The following MIGA1 variants were observed in gnomAD, a reference collection of about 807,000 sequenced individuals.
The protein encoded by MIGA1 is mitoguardin 1.
In MIGA1, 58 loss-of-function variants were observed where a neutral mutation model predicts 82.0. The observed-to-expected ratio is 0.71, with a 90% CI of 0.57 to 0.88. The LOEUF (loss-of-function observed/expected upper bound fraction) is 0.88, where lower values mean the gene tolerates loss of function less well. Among genes scored for constraint, MIGA1 ranks in the 40% least tolerant of loss-of-function variants. The probability of loss-of-function intolerance (pLI) is 0.00; values close to 1 mark genes in which losing one functional copy is unlikely to be tolerated. For missense variants in MIGA1, 751 were observed against 749.1 expected, an observed-to-expected ratio of 1.00 and a Z score of -0.03; for synonymous variants, 249 against 253.6, an observed-to-expected ratio of 0.98 and a Z score of 0.17.
At chr1:77,839,209 C>G (rs930415632) in intron 7 of MIGA1, among the ~76,000 whole-genome samples, 8 of 151,924 alleles carry the variant, frequency 5.3e-5, no homozygotes, top group Non-Finnish European at 1.2e-4. Flanking sequence ...GACCGTACAT[C>G]CTCGACCAAA....
In MIGA1 at chr1:77,815,234, A is replaced by G. The variant is rs1430481606; in HGVS notation, c.895+3A>G. Reference sequence around the variant, plus strand: ...TAATTCCCTTGCTGATGATATTGGTAAGATGGATATTTCATATGGCTTTTA... The same window carrying G: ...TAATTCCCTTGCTGATGATATTGGTGAGATGGATATTTCATATGGCTTTTA... On this transcript the variant is annotated splice_donor_region_variant and intron_variant, in intron 7 of 15. Coordinates refer to ENST00000370791, the MANE Select transcript of MIGA1 (RefSeq NM_198549.4). The G allele has an allele frequency of 3.1e-6, 5 of 1,589,222 alleles. No individual in the cohort carries two copies. In the African/African-American group the frequency reaches 6.8e-5, roughly 21 times the overall value.
chr1:77,848,130 A>C, intron 8 of MIGA1: 1 of 1,346,936 alleles, frequency 7.4e-7, no homozygotes, highest in Non-Finnish European at 1.1e-6. Context: ...GAACCATTAC[A>C]CTGACCGTGA....
At chr1:77,837,580 A>G (rs1684478436) in intron 7 of MIGA1, among the ~76,000 whole-genome samples, 1 of 152,200 alleles carries the variant, frequency 6.6e-6, no homozygotes, top group African/African-American at 2.4e-5. Flanking sequence ...AATATATGTA[A>G]AGCATGTAAC....
chr1:77,829,530 G>A (rs1043413790), intron 7 of MIGA1, among the ~76,000 whole-genome samples: 4 of 152,230 alleles, frequency 2.6e-5, no homozygotes, highest in Non-Finnish European at 2.9e-5. Context: ...GTGCCGCGGC[G>A]CGATCTCAGC....
intron 8 of MIGA1, among the ~76,000 whole-genome samples, chr1:77,845,848 G>A (rs1417855558): frequency 4.0e-5 from 6 of 151,882 alleles, no homozygotes; most frequent in South Asian, 2.1e-4. Context: ...TTCTGGTATC[G>A]GTTTTTCTAT....
chr1:77,869,597 C>T (rs1212611416), intron 14 of MIGA1, among the ~76,000 whole-genome samples: 33 of 143,348 alleles, frequency 2.3e-4, no homozygotes, highest in Non-Finnish European at 3.7e-4. Flanking sequence ...CCCTCCCGGA[C>T]GAGGCGGCTG....
At chr1:77,841,807 C>CTT (rs879895524) in intron 7 of MIGA1, among the ~76,000 whole-genome samples, 1 of 142,796 alleles carries the variant, frequency 7.0e-6, no homozygotes, top group South Asian at 2.2e-4. Context: ...TTTTTTCTTT[C>CTT]TTTTTTTTTT....
intron 2 of MIGA1, among the ~76,000 whole-genome samples, chr1:77,790,114 T>C (rs1055068046): frequency 2.0e-5 from 3 of 152,250 alleles, no homozygotes; most frequent in African/African-American, 7.2e-5. Context: ...ATGACTATAG[T>C]ACAATATCAC....
intron 2 of MIGA1, among the ~76,000 whole-genome samples, chr1:77,799,851 C>T: frequency 6.8e-6 from 1 of 146,548 alleles, no homozygotes. Context: ...ATTAGTTTTC[C>T]TTCCAAAAAA....
At chr1:77,866,682 T>C (rs1331043460) in intron 14 of MIGA1, among the ~76,000 whole-genome samples, 3 of 139,580 alleles carry the variant, frequency 2.1e-5, no homozygotes, top group Admixed American at 7.4e-5. Flanking sequence ...CTTAATGATA[T>C]TAATTTTTTT....
intron 7 of MIGA1, among the ~76,000 whole-genome samples, chr1:77,839,214 A>T (rs1255294706): frequency 6.6e-6 from 1 of 151,782 alleles, no homozygotes; most frequent in East Asian, 1.9e-4. Context: ...TACATCCTCG[A>T]CCAAAATAAT....
chr1:77,850,390 G>GA (rs1685002215), intron 8 of MIGA1, among the ~76,000 whole-genome samples: 1 of 152,182 alleles, frequency 6.6e-6, no homozygotes. Flanking sequence ...ACCCAATTTG[G>GA]AGGGTGGCTA....
intron 8 of MIGA1, among the ~76,000 whole-genome samples, chr1:77,851,166 G>A (rs185387505): frequency 9.5e-4 from 144 of 152,138 alleles, no homozygotes; most frequent in African/African-American, 2.9e-3. Context: ...CCACCGCGCC[G>A]GGCCTTGTTT....
chr1:77,853,923 G>A (rs1685150760), intron 8 of MIGA1: 2 of 247,998 alleles, frequency 8.1e-6, no homozygotes, highest in Non-Finnish European at 1.6e-5. Flanking sequence ...AGTTATTGGG[G>A]TACAGGTAGT....
chr1:77,797,152 A>G (rs1380080229), intron 2 of MIGA1, among the ~76,000 whole-genome samples: 3 of 152,222 alleles, frequency 2.0e-5, no homozygotes, highest in African/African-American at 7.2e-5. Flanking sequence ...GATGAGTAAC[A>G]TTCCATTGTA....
At chr1:77,829,586 A>G (rs1429941787) in intron 7 of MIGA1, among the ~76,000 whole-genome samples, 1 of 152,086 alleles carries the variant, frequency 6.6e-6, no homozygotes, top group Non-Finnish European at 1.5e-5. Context: ...CTCGTGCCTC[A>G]GCTTTCCTAG....
chr1:77,816,481 T>C (rs369754598), intron 7 of MIGA1, among the ~76,000 whole-genome samples: 1 of 152,202 alleles, frequency 6.6e-6, no homozygotes. Context: ...GAGATATTTA[T>C]ATCTATGCAT....
At position 77,876,525 on chromosome 1, in the gene MIGA1, T is replaced by TAAACA. The variant is rs1390591643; in HGVS notation, c.*1461_*1462insAAACA. On this transcript the variant is annotated 3_prime_UTR_variant, in exon 16 of 16. Transcript: ENST00000370791. The stretch of plus-strand genomic sequence containing the variant: ...ACATTTATTAATTAATAAAGGCAAT[T>TAAACA]TAAAATTTAGTGTTATTTGAAGACT... The TAAACA allele has an allele frequency of 6.6e-6, 1 of 152,166 alleles. No individual in the cohort carries two copies. Among genetic ancestry groups the TAAACA allele is most frequent in the African/African-American group, 2.4e-5 (1 of 41,428 alleles). 9.4% of individuals were successfully genotyped at this position (152,166 alleles called of 1,614,324 possible).
chr1:77,855,643 A>G (rs554239418), intron 8 of MIGA1, among the ~76,000 whole-genome samples: 1 of 149,854 alleles, frequency 6.7e-6, no homozygotes, highest in South Asian at 2.2e-4. Flanking sequence ...ATTTTATTTT[A>G]TTTTTTTGTA....
Sources: allele counts gnomAD v4.1 joint callset (sites outside exome capture counted in the v4.1 genomes callset), GRCh38; gene constraint gnomAD v4.1.1; transcripts MANE v1.5; gene names NCBI Gene and HGNC (gene_info 2026-07-23, HGNC 2026-07-21).